PFKFB3: variants seen among roughly 807,000 people sequenced by gnomAD.
PFKFB3 encodes the protein 6-phosphofructo-2-kinase/fructose-2,6-biphosphatase 3, also known as 6-phosphofructo-2-kinase/fructose-2,6-bisphosphatase 3.
Under a neutral mutation model 68.0 loss-of-function variants are expected in PFKFB3, and 33 were observed. The observed-to-expected ratio is 0.49, with a 90% CI of 0.37 to 0.65. The LOEUF (loss-of-function observed/expected upper bound fraction) is 0.65, where lower values mean the gene tolerates loss of function less well. Ranked by LOEUF, PFKFB3 falls within the 30% of genes least tolerant of loss-of-function variation. PFKFB3 has a pLI of 0.00. For missense variants in PFKFB3, 586 were observed against 712.2 expected, an observed-to-expected ratio of 0.82 and a Z score of 2.02; for synonymous variants, 315 against 288.2, an observed-to-expected ratio of 1.09 and a Z score of -0.94.
rs1315495046 is a variant in PFKFB3, at chr10:6,229,250, G to A, written c.1515+2885G>A. On this transcript the variant is annotated intron_variant, in intron 14 of 14. Coordinates refer to ENST00000379775, the MANE Select transcript of PFKFB3 (RefSeq NM_004566.4). This position sits in a 1 kb window ranked among gnomAD's most constrained non-coding sequence, Gnocchi z 4.3. ...CAGAGGATGTACCAGTGTCCTCCATGTCCACGTTCCTTAAGACCACCCTGG... is the reference window on the plus strand; with the variant it reads ...CAGAGGATGTACCAGTGTCCTCCATATCCACGTTCCTTAAGACCACCCTGG... 6.4e-6 allele frequency: 3 copies of A among 470,802 alleles called. No individual in the cohort carries two copies. Among genetic ancestry groups the A allele is most frequent in the Non-Finnish European group, 1.3e-5 (3 of 225,960 alleles). 29.2% of individuals were successfully genotyped at this position (470,802 alleles called of 1,614,324 possible).
At chr10:6,203,788 C>T (rs1843498548) in intron 1 of PFKFB3, among the ~76,000 whole-genome samples, 1 of 152,202 alleles carries the variant, frequency 6.6e-6, no homozygotes, top group African/African-American at 2.4e-5. Flanking sequence ...ATTCCTATCC[C>T]CTCGCTTCAC....
the PFKFB3 span, among the ~76,000 whole-genome samples, chr10:6,270,230 A>G: frequency 2.6e-5 from 4 of 152,164 alleles, no homozygotes; most frequent in African/African-American, 7.2e-5. Flanking sequence ...TCTGTGCTCT[A>G]CTTTCTGGTG....
chr10:6,275,989 A>G, the PFKFB3 span, among the ~76,000 whole-genome samples: 1 of 152,180 alleles, frequency 6.6e-6, no homozygotes, highest in Non-Finnish European at 1.5e-5. This position sits in a 1 kb window ranked among gnomAD's most constrained non-coding sequence, Gnocchi z 4.9. Flanking sequence ...TTGCTATTTC[A>G]TGCTTGAAAT....
chr10:6,254,808 C>CTTTTTTTTTTTTTTTTTTTTTTTT (rs144888417), downstream of PFKFB3, among the ~76,000 whole-genome samples: 1 of 61,622 alleles, frequency 1.6e-5, no homozygotes, highest in Non-Finnish European at 2.7e-5. Flanking sequence ...TTTTTCTGTT[C>CTTTTTTTTTTTTTTTTTTTTTTTT]TTTTTTTTTT....
the PFKFB3 span, among the ~76,000 whole-genome samples, chr10:6,321,899 C>G: frequency 6.6e-6 from 1 of 152,232 alleles, no homozygotes; most frequent in Non-Finnish European, 1.5e-5. Flanking sequence ...CCTCCACTTC[C>G]TGGTTTCTAA....
intron 14 of PFKFB3, among the ~76,000 whole-genome samples, chr10:6,250,676 A>G (rs1031488196): frequency 6.6e-6 from 1 of 151,828 alleles, no homozygotes; most frequent in Non-Finnish European, 1.5e-5. Flanking sequence ...TGATGGAGAG[A>G]TTGGCTCCCT....
At chr10:6,302,808 T>TTG in the PFKFB3 span, among the ~76,000 whole-genome samples, 12 of 112,260 alleles carry the variant, frequency 1.1e-4, no homozygotes, top group Middle Eastern at 4.7e-3. Flanking sequence ...ATATATATAT[T>TTG]TGTGTGTGTG....
chr10:6,307,307 GACAC>G, the PFKFB3 span, among the ~76,000 whole-genome samples: 2 of 145,654 alleles, frequency 1.4e-5, no homozygotes, highest in Admixed American at 7.0e-5. Context: ...CATGCATGCA[GACAC>G]ACACACATGC....
the PFKFB3 span, among the ~76,000 whole-genome samples, chr10:6,305,005 ATTTTT>A: frequency 2.8e-4 from 4 of 14,526 alleles, no homozygotes; most frequent in Admixed American, 4.1e-3. Flanking sequence ...AATATTAGGA[ATTTTT>A]TTTTTTTTTT....
chr10:6,262,049 A>T, the PFKFB3 span, among the ~76,000 whole-genome samples: 1 of 151,902 alleles, frequency 6.6e-6, no homozygotes, highest in Non-Finnish European at 1.5e-5. Context: ...ACTCTTAGAT[A>T]CTAGACTTAA....
chr10:6,266,397 A>G, the PFKFB3 span, among the ~76,000 whole-genome samples: 5 of 152,106 alleles, frequency 3.3e-5, no homozygotes, highest in South Asian at 1.0e-3. Flanking sequence ...AGGCCTGTAC[A>G]ATACTCCAGG....
chr10:6,228,385 A>G lies in PFKFB3; in HGVS notation c.1515+2020A>G. 1 of 759,264 alleles carries G rather than the reference A, an allele frequency of 1.3e-6. No individual in the cohort carries two copies. Among genetic ancestry groups the G allele is most frequent in the South Asian group, 1.5e-5 (1 of 66,706 alleles). The allele number at this position is 759,264 out of a possible 1,614,324, so 47.0% of individuals were successfully genotyped here. On this transcript the variant is annotated intron_variant, in intron 14 of 14. Transcript: ENST00000379775. This position sits in a 1 kb window ranked among gnomAD's most constrained non-coding sequence, Gnocchi z 4.5. ...AGGAGTAGGGAGGAGAGATTCCTGA[A>G]TGTTTTTGGAAAAGCGTGCAGGCGG... is the stretch of plus-strand genomic sequence containing the variant.
chr10:6,309,206 A>G, the PFKFB3 span, among the ~76,000 whole-genome samples: 1 of 152,212 alleles, frequency 6.6e-6, no homozygotes, highest in Non-Finnish European at 1.5e-5. Flanking sequence ...AGAAAATTGC[A>G]TACCAACTGG....
At chr10:6,262,840 C>T in the PFKFB3 span, among the ~76,000 whole-genome samples, 1 of 152,146 alleles carries the variant, frequency 6.6e-6, no homozygotes, top group Non-Finnish European at 1.5e-5. Context: ...TCCCTCACAG[C>T]GAGGAGACTC....
At position 6,216,176 on chromosome 10, in the gene PFKFB3, A is replaced by AG; in HGVS notation, c.356dup (p.Gln120ThrfsTer12). On this transcript the variant is annotated frameshift_variant, in exon 4 of 15. Coordinates refer to ENST00000379775, the MANE Select transcript of PFKFB3 (RefSeq NM_004566.4). LOFTEE classifies it high-confidence loss of function. The stretch of plus-strand genomic sequence containing the variant: ...ATGTCAAAAGCTACCTGGCGAAAGA[A>AG]GGGGGACAAATTGCGGTAAGTCCAG... 6.2e-7 allele frequency: 1 copy of AG among 1,614,132 alleles called. No homozygotes were observed. The highest frequency in any genetic ancestry group is 8.5e-7 in the Non-Finnish European group (1 of 1,179,970).
chr10:6,208,911 T>C (rs981774504), intron 1 of PFKFB3, among the ~76,000 whole-genome samples: 3 of 152,180 alleles, frequency 2.0e-5, no homozygotes, highest in African/African-American at 7.2e-5. Context: ...TTCCTGTGTA[T>C]GTTTGCCTGC....
At chr10:6,186,421 G>T (rs1380612480) in intron 1 of PFKFB3, among the ~76,000 whole-genome samples, 1 of 152,194 alleles carries the variant, frequency 6.6e-6, no homozygotes. Context: ...GCCAATCAAG[G>T]TTCATTCAGC....
chr10:6,318,101 C>G, the PFKFB3 span, among the ~76,000 whole-genome samples: 4 of 152,174 alleles, frequency 2.6e-5, no homozygotes, highest in African/African-American at 9.6e-5. Context: ...ATTCAGTTCC[C>G]GGGAAATAGC....
intron 1 of PFKFB3, among the ~76,000 whole-genome samples, chr10:6,170,513 G>T (rs1171440581): frequency 6.6e-6 from 1 of 152,208 alleles, no homozygotes; most frequent in African/African-American, 2.4e-5. Context: ...TTTGAGACTG[G>T]CCTGGGCCAC....
Sources: allele counts gnomAD v4.1 joint callset (sites outside exome capture counted in the v4.1 genomes callset), GRCh38; gene constraint gnomAD v4.1.1; non-coding constraint Gnocchi (gnomAD v3.1); transcripts MANE v1.5; gene names NCBI Gene and HGNC (gene_info 2026-07-23, HGNC 2026-07-21).